Variants in CEP290 observed in about 807,000 individuals in gnomAD.
The protein encoded by CEP290 is centrosomal protein 290.
A neutral mutation model predicts 344.9 loss-of-function variants in CEP290; 317 were observed. The observed-to-expected ratio is 0.92, with a 90% CI of 0.84 to 1.01. The LOEUF (loss-of-function observed/expected upper bound fraction) is 1.01. Among genes scored for constraint, CEP290 ranks in the 50% least tolerant of loss-of-function variants. The pLI is 0.00. For synonymous variants in CEP290, 932 were observed against 895.8 expected, an observed-to-expected ratio of 1.04 and a Z score of -0.72; for missense variants, 2,754 against 2,761.4, an observed-to-expected ratio of 1.00 and a Z score of 0.06.
At chr12:88,119,971 C>A in intron 15 of CEP290, 143 bp downstream of exon 15, 1 of 502,492 alleles carries the variant, frequency 2.0e-6, no homozygotes. Context: ...GTTAGCTCCA[C>A]TTTTATTTGT....
chr12:88,098,126 G>A (rs1344871276), intron 26 of CEP290, among the ~76,000 whole-genome samples: 3 of 151,488 alleles, frequency 2.0e-5, no homozygotes, highest in Non-Finnish European at 2.9e-5. Context: ...GGCCAACACA[G>A]TACTAAACAT....
chr12:88,112,632 T>G (rs549272735), intron 20 of CEP290, among the ~76,000 whole-genome samples: 160 of 152,102 alleles, frequency 1.1e-3, no homozygotes, highest in Non-Finnish European at 1.7e-3. Context: ...AAAGGCAAAG[T>G]AAGTCTTAAA....
chr12:88,137,776 AG>A (rs1197901172), intron 5 of CEP290, among the ~76,000 whole-genome samples: 1 of 152,198 alleles, frequency 6.6e-6, no homozygotes, highest in African/African-American at 2.4e-5. Flanking sequence ...CAAATACATG[AG>A]GGTCAGAAGA....
intron 51 of CEP290, 65 bp downstream of exon 51, chr12:88,054,275 T>C (rs1011285873): frequency 1.8e-5 from 19 of 1,031,160 alleles, no homozygotes; most frequent in African/African-American, 1.6e-4. Context: ...ATTCGGAGTA[T>C]ATAAAAACTA....
intron 42 of CEP290, 34 bp downstream of exon 42, chr12:88,071,747 A>G: frequency 4.7e-6 from 7 of 1,497,008 alleles, no homozygotes; most frequent in Non-Finnish European, 6.3e-6. Context: ...AGGATTTTAC[A>G]CATAATTAGT....
chr12:88,111,406 A>T (rs578074163), intron 21 of CEP290, 55 bp from the exon 22 acceptor site: 2 of 1,475,052 alleles, frequency 1.4e-6, no homozygotes, highest in East Asian at 5.1e-5. Context: ...AAAGAAAGAC[A>T]AATTGACAGA....
intron 26 of CEP290, among the ~76,000 whole-genome samples, chr12:88,097,988 G>C (rs983659650): frequency 2.0e-5 from 3 of 152,190 alleles, no homozygotes; most frequent in Admixed American, 6.5e-5. Context: ...TAATAAGCAA[G>C]TAAACAAACA....
rs779880515 is a variant in CEP290, at chr12:88,050,343, TTAAA to T, written c.7209+7_7209+10del. 3.7e-6 allele frequency: 5 copies of T among 1,355,264 alleles called. No homozygotes were observed. The highest frequency in any genetic ancestry group is 3.7e-5 in the Admixed American group (2 of 53,544). The allele number at this position is 1,355,264 out of a possible 1,614,324, so 84.0% of individuals were successfully genotyped here. ...TTCACAAAACGATACTAAAATATAA[TTAAA>T]TATTACCTTCAAATGCTGCTTTTCT... On this transcript the variant is annotated splice_region_variant and intron_variant, in intron 53 of 53. Transcript: ENST00000552810.
intron 41 of CEP290, among the ~76,000 whole-genome samples, 194 bp from the exon 42 acceptor site, chr12:88,072,120 AT>A (rs2035424065): frequency 1.3e-5 from 2 of 152,220 alleles, no homozygotes; most frequent in East Asian, 3.9e-4. Flanking sequence ...TAGAATTTGG[AT>A]TTTTTTAAAA....
At chr12:88,075,768 C>A (rs943542501) in intron 41 of CEP290, among the ~76,000 whole-genome samples, 3 of 152,160 alleles carry the variant, frequency 2.0e-5, no homozygotes, top group Non-Finnish European at 2.9e-5. Flanking sequence ...AAAAAATATT[C>A]TCACTAGATT....
At chr12:88,049,715 G>A (rs1337887764) in intron 53 of CEP290, 5 of 191,518 alleles carry the variant, frequency 2.6e-5, no homozygotes, top group South Asian at 3.1e-4. Flanking sequence ...TGTCAATAGA[G>A]CAATCAATCA....
chr12:88,078,822 A>C (rs538697777), intron 39 of CEP290, among the ~76,000 whole-genome samples: 26 of 152,154 alleles, frequency 1.7e-4, no homozygotes, highest in Non-Finnish European at 2.8e-4. Flanking sequence ...TCTTAAAAAA[A>C]ATCCTAAGTA....
intron 49 of CEP290, among the ~76,000 whole-genome samples, chr12:88,056,084 A>G (rs1413124503): frequency 6.6e-6 from 1 of 152,152 alleles, no homozygotes; most frequent in Non-Finnish European, 1.5e-5. Flanking sequence ...ATGGCAAATA[A>G]AAAGCTTTTC....
intron 25 of CEP290, 198 bp from the exon 26 acceptor site, chr12:88,103,209 T>C (rs1196116463): frequency 1.4e-5 from 5 of 349,174 alleles, no homozygotes; most frequent in Admixed American, 9.6e-5. Flanking sequence ...AAAATCTTAA[T>C]CATAATAAAA....
At chr12:88,121,304 G>C in intron 13 of CEP290, 138 bp from the exon 14 acceptor site, 1 of 652,268 alleles carries the variant, frequency 1.5e-6, no homozygotes, top group Non-Finnish European at 2.5e-6. Flanking sequence ...TTTGTAAGAT[G>C]AAAGTTTTGT....
chr12:88,079,021 A>G (rs2035990956), intron 39 of CEP290, 71 bp downstream of exon 39: 3 of 1,322,094 alleles, frequency 2.3e-6, no homozygotes, highest in South Asian at 1.7e-5. Flanking sequence ...AAATTACTAT[A>G]TATCATAGTG....
chr12:88,060,849 T>C lies in CEP290; in HGVS notation c.6503A>G (p.Gln2168Arg), dbSNP rs747886755. 1.3e-5 allele frequency: 20 copies of C among 1,530,258 alleles called. No individual in the cohort carries two copies. The South Asian group carries it at 2.6e-4, about 20-fold the overall frequency. The allele number at this position is 1,530,258 out of a possible 1,614,324, so 94.8% of individuals were successfully genotyped here. A position where few individuals can be genotyped will look rare whatever the true frequency, so the allele number is the denominator to read the frequency against. ...LTSEKMANIEQENEKLKAELE... is the reference protein window; with the variant it reads ...LTSEKMANIERENEKLKAELE... Reference sequence around the variant, plus strand: ...AATTACCTTCAATTTTTCATTTTCCTGCTCAATATTAGCCATTTTTTCACT... The same window carrying C: ...AATTACCTTCAATTTTTCATTTTCCCGCTCAATATTAGCCATTTTTTCACT... Residue 2168 changes from glutamine to arginine, a missense_variant, in exon 47 of 54, where the codon CAG (glutamine) becomes CGG (arginine). Transcript: ENST00000552810.
Position 88,136,802 on chromosome 12 carries a change from C to G in CEP290, c.298-16G>C, listed in dbSNP as rs531851010. ...GCTGAGCCATCTTAAAGTAATAAAC[C>G]CAAAGTATAAATTAATCCCATTATA... On this transcript the variant is annotated splice_polypyrimidine_tract_variant and intron_variant, in intron 5 of 53. Coordinates refer to ENST00000552810, the MANE Select transcript of CEP290 (RefSeq NM_025114.4). The G allele has an allele frequency of 2.5e-6, 4 of 1,610,840 alleles. No homozygotes were observed. Among genetic ancestry groups the G allele is most frequent in the Admixed American group, 3.4e-5 (2 of 59,674 alleles).
rs372102947 is a variant in CEP290, at chr12:88,141,191, T to C, written c.102+15A>G. 16 of 1,560,844 alleles carry C rather than the reference T, an allele frequency of 1.0e-5. No homozygotes were observed. The African/African-American group carries it at 2.1e-4, about 20-fold the overall frequency. ...AGTTAATGTATATATCTATTATTAT[T>C]GACCAATTAAGCACCTTGGATAAGG... On this transcript the variant is annotated intron_variant, in intron 2 of 53. Transcript: ENST00000552810.
Sources: allele counts gnomAD v4.1 joint callset (sites outside exome capture counted in the v4.1 genomes callset), GRCh38; gene constraint gnomAD v4.1.1; transcripts MANE v1.5; gene names NCBI Gene and HGNC (gene_info 2026-07-23, HGNC 2026-07-21).